NYAP2: variants seen among roughly 807,000 people sequenced by gnomAD.
The protein encoded by NYAP2 is neuronal tyrosine-phosphorylated phosphoinositide-3-kinase adapter 2.
A neutral mutation model predicts 50.4 loss-of-function variants in NYAP2; 23 were observed. The ratio of observed to expected loss-of-function variants is 0.46; its 90% CI spans 0.33 to 0.65. NYAP2 has a LOEUF of 0.65. Ranked by LOEUF, NYAP2 falls within the 30% of genes least tolerant of loss-of-function variation. NYAP2 has a pLI of 0.02. For synonymous variants in NYAP2, 394 were observed against 365.2 expected (o/e 1.08, Z -0.90); for missense variants, 885 against 861.0 (o/e 1.03, Z -0.35).
chr2:225,469,753 A>G (rs1689982534), intron 3 of NYAP2, among the ~76,000 whole-genome samples: 1 of 152,188 alleles, frequency 6.6e-6, no homozygotes, highest in East Asian at 1.9e-4. Flanking sequence ...CACAAGAACA[A>G]TAAACAAAAC....
chr2:225,460,963 T>G (rs559157608), intron 3 of NYAP2, among the ~76,000 whole-genome samples: 57 of 130,548 alleles, frequency 4.4e-4, no homozygotes, highest in African/African-American at 1.7e-3. Flanking sequence ...ACTGCACTCC[T>G]GCCTGAGCGA....
intron 4 of NYAP2, among the ~76,000 whole-genome samples, chr2:225,517,042 GA>G (rs1284517442): frequency 1.3e-5 from 2 of 151,294 alleles, no homozygotes; most frequent in East Asian, 1.9e-4. Context: ...TTTCAGAGTA[GA>G]AAAAAATAAA....
At position 225,641,184 on chromosome 2, in the gene NYAP2, G is replaced by A. The variant is rs1693523352; in HGVS notation, c.1829-10248G>A. Among the ~76,000 whole-genome samples, 3 of 152,206 alleles carry A rather than the reference G, an allele frequency of 2.0e-5. No individual in the cohort carries two copies. In the South Asian group the frequency reaches 6.2e-4, roughly 32 times the overall value. ...ACCCTGACATTGCTCCTAGACCACA[G>A]CTGTTAGATTCCTTTGGAAAGGCCC... On this transcript the variant is annotated intron_variant, in intron 6 of 6. Coordinates refer to ENST00000636099, the Ensembl canonical transcript of NYAP2.
chr2:225,666,867 A>C, the NYAP2 span, among the ~76,000 whole-genome samples: 1 of 125,022 alleles, frequency 8.0e-6, no homozygotes, highest in African/African-American at 3.6e-5. Context: ...CCCCCCCAAC[A>C]CACACACAGA....
chr2:225,554,434 C>T (rs1311948918), intron 4 of NYAP2, among the ~76,000 whole-genome samples: 3 of 151,776 alleles, frequency 2.0e-5, no homozygotes, highest in Non-Finnish European at 2.9e-5. Context: ...AATTCTCTTG[C>T]CTCAGCCTCC....
chr2:225,462,807 C>G (rs1411206099), intron 3 of NYAP2, among the ~76,000 whole-genome samples: 2 of 152,110 alleles, frequency 1.3e-5, no homozygotes, highest in African/African-American at 4.8e-5. Context: ...AAAAACTGAC[C>G]TGTTTTGCCT....
intron 2 of NYAP2, among the ~76,000 whole-genome samples, chr2:225,404,909 G>A (rs774997615): frequency 6.6e-6 from 1 of 151,924 alleles, no homozygotes; most frequent in Non-Finnish European, 1.5e-5. Context: ...ATCCGATGTT[G>A]GTGATTTTAG....
intron 3 of NYAP2, among the ~76,000 whole-genome samples, chr2:225,480,479 A>C (rs1690187823): frequency 6.6e-6 from 1 of 152,124 alleles, no homozygotes; most frequent in Non-Finnish European, 1.5e-5. Context: ...ACTTGAAGGA[A>C]TGTAGATAAG....
chr2:225,528,725 A>C (rs1168440011), intron 4 of NYAP2, among the ~76,000 whole-genome samples: 1 of 152,070 alleles, frequency 6.6e-6, no homozygotes, highest in Non-Finnish European at 1.5e-5. Context: ...CAGCAAACCC[A>C]CTTCCCAGTG....
intron 3 of NYAP2, among the ~76,000 whole-genome samples, chr2:225,466,200 C>T (rs1166392587): frequency 6.6e-6 from 1 of 152,214 alleles, no homozygotes; most frequent in East Asian, 1.9e-4. Flanking sequence ...TGCTTTTCCT[C>T]AAACACTTGA....
At chr2:225,454,923 T>G (rs1197929377) in intron 3 of NYAP2, among the ~76,000 whole-genome samples, 1 of 151,850 alleles carries the variant, frequency 6.6e-6, no homozygotes. Flanking sequence ...CATAGAAAAA[T>G]TAGATTTATT....
rs573753894 is a variant in NYAP2, at chr2:225,487,013, A to C, written c.222-26358A>C. 2.6e-5 allele frequency among the ~76,000 whole-genome samples: 4 copies of C among 152,364 alleles called. No individual in the cohort carries two copies. The East Asian group carries it at 7.7e-4, about 29-fold the overall frequency. On this transcript the variant is annotated intron_variant, in intron 3 of 6. Transcript: ENST00000636099. ...GAAATTATAGGTAGACAAAAGTCAC[A>C]TATTGCTGTCTGGTAATCAAGGCCA...
chr2:225,456,428 C>T (rs1689740409), intron 3 of NYAP2, among the ~76,000 whole-genome samples: 1 of 152,198 alleles, frequency 6.6e-6, no homozygotes, highest in African/African-American at 2.4e-5. Context: ...TTTCTTCACT[C>T]CCTTCTGTAA....
intron 5 of NYAP2, among the ~76,000 whole-genome samples, chr2:225,611,853 T>C (rs947784262): frequency 4.7e-5 from 7 of 149,774 alleles, no homozygotes; most frequent in South Asian, 2.1e-4. Flanking sequence ...ATAATAAGTA[T>C]ATATATAGAG....
At chr2:225,479,842 T>C (rs917565908) in intron 3 of NYAP2, among the ~76,000 whole-genome samples, 1 of 152,154 alleles carries the variant, frequency 6.6e-6, no homozygotes, top group African/African-American at 2.4e-5. Context: ...TTTGTACCAA[T>C]GTGATTCCCT....
At chr2:225,625,632 T>A (rs1362957995) in intron 5 of NYAP2, among the ~76,000 whole-genome samples, 1 of 152,006 alleles carries the variant, frequency 6.6e-6, no homozygotes, top group African/African-American at 2.4e-5. Context: ...ATTGTTTTTA[T>A]TGGGGGAGGA....
chr2:225,518,598 AT>A, intron 4 of NYAP2, among the ~76,000 whole-genome samples: 1 of 141,060 alleles, frequency 7.1e-6, no homozygotes, highest in African/African-American at 2.6e-5. Flanking sequence ...ATATATATAT[AT>A]ATATATTAGC....
chr2:225,474,417 C>T (rs1422148022), intron 3 of NYAP2, among the ~76,000 whole-genome samples: 5 of 152,160 alleles, frequency 3.3e-5, no homozygotes, highest in Admixed American at 6.5e-5. Flanking sequence ...GCCATTTTCA[C>T]AATATTGATT....
At chr2:225,438,310 C>G (rs1241097560) in intron 3 of NYAP2, among the ~76,000 whole-genome samples, 1 of 152,164 alleles carries the variant, frequency 6.6e-6, no homozygotes, top group African/African-American at 2.4e-5. Context: ...ATTTATAATG[C>G]TATTGCAGTG....
Sources: allele counts gnomAD v4.1 joint callset (sites outside exome capture counted in the v4.1 genomes callset), GRCh38; gene constraint gnomAD v4.1.1; transcripts MANE v1.5; gene names NCBI Gene and HGNC (gene_info 2026-07-23, HGNC 2026-07-21).